The following CACNA1D variants were observed in gnomAD, a reference collection of about 807,000 sequenced individuals.
The protein encoded by CACNA1D is calcium voltage-gated channel subunit alpha1 D.
In CACNA1D, 55 loss-of-function variants were observed where a neutral mutation model predicts 257.1. The ratio of observed to expected loss-of-function variants is 0.21; its 90% CI spans 0.17 to 0.27. The LOEUF (loss-of-function observed/expected upper bound fraction) is 0.27. CACNA1D is among the 10% of genes least tolerant of loss of function. The pLI is 1.00. For synonymous variants in CACNA1D, 980 were observed against 1,014.9 expected, an observed-to-expected ratio of 0.97 and a Z score of 0.65; for missense variants, 1,876 against 2,784.0, an observed-to-expected ratio of 0.67 and a Z score of 7.34.
At chr3:53,614,812 A>G (rs1296205691) in intron 3 of CACNA1D, among the ~76,000 whole-genome samples, 7 of 152,238 alleles carry the variant, frequency 4.6e-5, no homozygotes, top group Non-Finnish European at 8.8e-5. Context: ...TGAAGAAGTT[A>G]TCACCATTCC....
In CACNA1D at chr3:53,771,816, T is replaced by C. The variant is rs557658965; in HGVS notation, c.4045-1017T>C. 3.3e-5 allele frequency among the ~76,000 whole-genome samples: 5 copies of C among 152,320 alleles called. No individual in the cohort carries two copies. In the South Asian group the frequency reaches 1.0e-3, roughly 32 times the overall value. The stretch of plus-strand genomic sequence containing the variant: ...AACAAAAATCGTAAACATTTGGCAA[T>C]CTAGGAAGAAAATGCACGTAGGTAT... On this transcript the variant is annotated intron_variant, in intron 32 of 47. Coordinates refer to ENST00000350061, the MANE Select transcript of CACNA1D (RefSeq NM_001128840.3).
chr3:53,729,603 A>G (rs1445638863), intron 15 of CACNA1D, among the ~76,000 whole-genome samples: 1 of 152,248 alleles, frequency 6.6e-6, no homozygotes, highest in Non-Finnish European at 1.5e-5. Context: ...CTTGTTCAGA[A>G]TACTTGTTAA....
At chr3:53,608,466 T>C (rs1476758773) in intron 3 of CACNA1D, among the ~76,000 whole-genome samples, 1 of 152,210 alleles carries the variant, frequency 6.6e-6, no homozygotes, top group Non-Finnish European at 1.5e-5. Flanking sequence ...GGTAAGCCTT[T>C]AATTTCTTTT....
chr3:53,629,345 T>C (rs76771962), intron 3 of CACNA1D, among the ~76,000 whole-genome samples: 7,594 of 152,272 alleles, frequency 0.05, 624 homozygotes, highest in African/African-American at 0.17. Flanking sequence ...AAGCCTAGGC[T>C]GGTCTTCCAT....
At chr3:53,691,618 A>G (rs2094519994) in intron 8 of CACNA1D, among the ~76,000 whole-genome samples, 1 of 145,614 alleles carries the variant, frequency 6.9e-6, no homozygotes, top group Admixed American at 7.3e-5. Flanking sequence ...GGCATATTTC[A>G]TACTCAGATG....
At chr3:53,663,985 C>T (rs150594495) in intron 5 of CACNA1D, among the ~76,000 whole-genome samples, 60 of 152,208 alleles carry the variant, frequency 3.9e-4, no homozygotes, top group African/African-American at 1.2e-3. Context: ...AGGCTGGTCT[C>T]GAACTCCTGA....
intron 39 of CACNA1D, among the ~76,000 whole-genome samples, chr3:53,785,057 C>T (rs928430742): frequency 6.6e-6 from 1 of 152,104 alleles, no homozygotes; most frequent in African/African-American, 2.4e-5. Context: ...ATTCTTCTGA[C>T]ACAGGGCTTG....
At position 53,774,820 on chromosome 3, in the gene CACNA1D, ATTC is replaced by A; in HGVS notation, c.4202+145_4202+147del. 1.6e-6 allele frequency: 1 copy of A among 634,298 alleles called. No homozygotes were observed. The highest frequency in any genetic ancestry group is 2.8e-6 in the Non-Finnish European group (1 of 352,274). The allele number at this position is 634,298 out of a possible 1,614,324, so 39.3% of individuals were successfully genotyped here. A position where few individuals can be genotyped will look rare whatever the true frequency, so the allele number is the denominator to read the frequency against. On this transcript the variant is annotated intron_variant, in intron 34 of 47. Coordinates refer to ENST00000350061, the MANE Select transcript of CACNA1D (RefSeq NM_001128840.3). The surrounding 1 kb of genome is among the most constrained non-coding windows in gnomAD (Gnocchi z 4.3). ...GGCTTTTTGTTTTTGTTTGTTCTGT[ATTC>A]TTAAACACAGACCCTAGCATTTCAA... is the stretch of plus-strand genomic sequence containing the variant.
intron 29 of CACNA1D, among the ~76,000 whole-genome samples, chr3:53,756,668 C>T (rs1199427060): frequency 6.6e-6 from 1 of 152,196 alleles, no homozygotes; most frequent in East Asian, 1.9e-4. Flanking sequence ...AAGCCCCATT[C>T]TCCAAGCCTT....
chr3:53,687,759 C>T (rs370558387), intron 8 of CACNA1D, among the ~76,000 whole-genome samples: 1 of 151,988 alleles, frequency 6.6e-6, no homozygotes, highest in Non-Finnish European at 1.5e-5. Flanking sequence ...CTCTTAACAA[C>T]TAGATAATAG....
chr3:53,700,361 CTTTTCT>C (rs2094611604), intron 8 of CACNA1D, among the ~76,000 whole-genome samples: 1 of 152,008 alleles, frequency 6.6e-6, no homozygotes, highest in Admixed American at 6.6e-5. Flanking sequence ...TGAAGGTCCA[CTTTTCT>C]TTGAGATGTA....
chr3:53,799,881 C>A, intron 40 of CACNA1D: 1 of 346,958 alleles, frequency 2.9e-6, no homozygotes, highest in Non-Finnish European at 5.6e-6. Flanking sequence ...CTGCTCTGGG[C>A]TTGGAGAGAT....
At chr3:53,627,348 A>C (rs1182587036) in intron 3 of CACNA1D, among the ~76,000 whole-genome samples, 1 of 152,202 alleles carries the variant, frequency 6.6e-6, no homozygotes, top group Non-Finnish European at 1.5e-5. Flanking sequence ...GGTCTCTGCC[A>C]GGTCAAAAGG....
intron 10 of CACNA1D, chr3:53,718,645 T>C: frequency 7.3e-7 from 1 of 1,373,202 alleles, no homozygotes; most frequent in Non-Finnish European, 9.6e-7. Flanking sequence ...CCGTGAAGAA[T>C]GTGGTGGTTA....
chr3:53,748,730 G>C (rs188604488), intron 26 of CACNA1D, among the ~76,000 whole-genome samples: 49 of 152,344 alleles, frequency 3.2e-4, no homozygotes, highest in African/African-American at 1.1e-3. Context: ...GTCTCGGGAA[G>C]CCTATGCATG....
intron 10 of CACNA1D, chr3:53,718,784 G>A (rs1163957008): frequency 6.7e-7 from 1 of 1,500,726 alleles, no homozygotes. Flanking sequence ...TGGCATTTGT[G>A]CTTTTGAAGA....
intron 15 of CACNA1D, among the ~76,000 whole-genome samples, chr3:53,728,488 G>C (rs909652629): frequency 2.6e-5 from 4 of 152,192 alleles, no homozygotes; most frequent in African/African-American, 9.7e-5. Flanking sequence ...TAACTAGATG[G>C]ATAAGCTTCT....
intron 3 of CACNA1D, among the ~76,000 whole-genome samples, chr3:53,573,199 A>T (rs1575926631): frequency 6.6e-6 from 1 of 152,156 alleles, no homozygotes; most frequent in African/African-American, 2.4e-5. Flanking sequence ...AGCATCATTT[A>T]TGATTGTTTA....
At position 53,811,059 on chromosome 3, in the gene CACNA1D, G is replaced by A. The variant is rs1055039343; in HGVS notation, c.6193-54G>A. ...GAGTTGATTTTTCTGTCGTCCCCCT[G>A]CCCTGCAAAGCCTTATAACACCCCC... On this transcript the variant is annotated intron_variant, in intron 47 of 47. Transcript: ENST00000350061. The surrounding 1 kb of genome is among the most constrained non-coding windows in gnomAD (Gnocchi z 4.2). 7.0e-7 allele frequency: 1 copy of A among 1,420,566 alleles called. No homozygotes were observed. Among genetic ancestry groups the A allele is most frequent in the African/African-American group, 1.4e-5 (1 of 71,052 alleles). The allele number at this position is 1,420,566 out of a possible 1,614,324, so 88.0% of individuals were successfully genotyped here.
Sources: gnomAD v4.1 joint callset for allele counts (sites outside exome capture counted in the v4.1 genomes callset) on GRCh38, gnomAD v4.1.1 for gene constraint, Gnocchi (gnomAD v3.1) non-coding constraint, MANE v1.5 for transcripts, NCBI Gene and HGNC (gene_info 2026-07-23, HGNC 2026-07-21) for gene names.